Variants in STK3 observed in about 807,000 individuals in gnomAD.
STK3 encodes serine/threonine-protein kinase 3.
A neutral mutation model predicts 58.0 loss-of-function variants in STK3; 41 were observed. That is an observed-to-expected ratio of 0.71 (90% CI 0.55 to 0.92). The LOEUF is 0.92. STK3 is among the 40% of genes least tolerant of loss of function. The probability of loss-of-function intolerance (pLI) is 0.00; values close to 1 mark genes in which losing one functional copy is unlikely to be tolerated. For missense variants in STK3, 479 were observed against 602.7 expected, an observed-to-expected ratio of 0.79 and a Z score of 2.15; for synonymous variants, 170 against 191.0, an observed-to-expected ratio of 0.89 and a Z score of 0.91.
chr8:98,810,184 C>A (rs899768843), intron 1 of STK3, among the ~76,000 whole-genome samples: 1 of 152,184 alleles, frequency 6.6e-6, no homozygotes, highest in Non-Finnish European at 1.5e-5. Context: ...ATGATCCAAT[C>A]ACCTCCCACC....
chr8:98,525,739 T>C (rs1367384493), intron 10 of STK3, among the ~76,000 whole-genome samples: 3 of 152,076 alleles, frequency 2.0e-5, no homozygotes, highest in Non-Finnish European at 4.4e-5. Flanking sequence ...TTATTGGGGA[T>C]AGATTTTGAA....
chr8:98,840,581 A>ATG (rs1260866059), intron 3 of STK3, among the ~76,000 whole-genome samples: 17 of 76,490 alleles, frequency 2.2e-4, no homozygotes, highest in South Asian at 9.8e-4. Flanking sequence ...CAAGAAAAAA[A>ATG]TGTATATATA....
At chr8:98,633,470 C>T (rs1819404172) in intron 6 of STK3, 1 of 590,556 alleles carries the variant, frequency 1.7e-6, no homozygotes, top group Non-Finnish European at 3.1e-6. Flanking sequence ...TGGTACTGAT[C>T]CAGAAGAAGG....
At chr8:98,448,569 G>A (rs1340992293) in intron 1 of STK3, among the ~76,000 whole-genome samples, 1 of 152,140 alleles carries the variant, frequency 6.6e-6, no homozygotes, top group Non-Finnish European at 1.5e-5. Context: ...ATATTTAAAA[G>A]CTCAGTGCTT....
chr8:98,430,817 C>T (rs1336442517), intron 3 of STK3: 1 of 167,038 alleles, frequency 6.0e-6, no homozygotes, highest in Non-Finnish European at 1.5e-5. Flanking sequence ...AAATTGTAAA[C>T]TTGAAAAGCT....
At chr8:98,644,328 T>G (rs1002184673) in intron 6 of STK3, among the ~76,000 whole-genome samples, 6 of 152,170 alleles carry the variant, frequency 3.9e-5, no homozygotes, top group African/African-American at 1.4e-4. Context: ...TTAGCTCTCA[T>G]TTCAATAAAC....
At chr8:98,751,389 T>C (rs946032915) in intron 3 of STK3, among the ~76,000 whole-genome samples, 3 of 152,156 alleles carry the variant, frequency 2.0e-5, no homozygotes, top group Admixed American at 2.0e-4. Flanking sequence ...CTCAGGCTGA[T>C]AAGCAACTTC....
At chr8:98,733,512 G>A (rs902220307) in intron 4 of STK3, among the ~76,000 whole-genome samples, 3 of 152,210 alleles carry the variant, frequency 2.0e-5, no homozygotes, top group Admixed American at 6.5e-5. Flanking sequence ...ATCTGAAGTG[G>A]AACAGTTTCA....
At chr8:98,524,053 C>T (rs1294190202) in intron 10 of STK3, among the ~76,000 whole-genome samples, 1 of 152,062 alleles carries the variant, frequency 6.6e-6, no homozygotes, top group East Asian at 1.9e-4. Context: ...AAGACTCCAA[C>T]TTCATTCTTT....
At chr8:98,927,490 C>G (rs947723189) in intron 1 of STK3, among the ~76,000 whole-genome samples, 1 of 152,200 alleles carries the variant, frequency 6.6e-6, no homozygotes, top group African/African-American at 2.4e-5. Context: ...TCTCCTACTA[C>G]TAGTGTTTAT....
chr8:98,580,566 AG>A (rs1445130161), intron 7 of STK3, among the ~76,000 whole-genome samples: 3 of 152,240 alleles, frequency 2.0e-5, no homozygotes, highest in Non-Finnish European at 4.4e-5. Context: ...GTTACATGTC[AG>A]TAGATAGCAT....
At chr8:98,760,673 C>T (rs1342050730) in intron 3 of STK3, among the ~76,000 whole-genome samples, 2 of 151,954 alleles carry the variant, frequency 1.3e-5, no homozygotes, top group African/African-American at 4.8e-5. Context: ...CTATTTAACG[C>T]CTTCAATCCA....
intron 9 of STK3, among the ~76,000 whole-genome samples, chr8:98,527,637 A>G (rs1294295045): frequency 1.3e-5 from 2 of 152,002 alleles, no homozygotes; most frequent in African/African-American, 2.4e-5. Context: ...AAATATATAT[A>G]TATGAAATAC....
At chr8:98,919,409 C>A (rs758609423) in intron 1 of STK3, among the ~76,000 whole-genome samples, 43 of 152,008 alleles carry the variant, frequency 2.8e-4, no homozygotes, top group Non-Finnish European at 2.5e-4. Context: ...ATCAGAAAAA[C>A]CGCTGTCAGT....
intron 3 of STK3, among the ~76,000 whole-genome samples, chr8:98,832,753 GCTCT>G (rs1835586256): frequency 6.6e-6 from 1 of 152,014 alleles, no homozygotes; most frequent in African/African-American, 2.4e-5. Context: ...ATTTCTCACT[GCTCT>G]GCTGTGCACA....
intron 6 of STK3, among the ~76,000 whole-genome samples, chr8:98,688,745 AC>A (rs1345558209): frequency 6.6e-6 from 1 of 152,204 alleles, no homozygotes. Context: ...GACACAACAT[AC>A]CAAAACCTCT....
At chr8:98,461,545 C>T (rs981074372) in intron 10 of STK3, among the ~76,000 whole-genome samples, 1 of 152,140 alleles carries the variant, frequency 6.6e-6, no homozygotes, top group African/African-American at 2.4e-5. Context: ...TCTAGATACT[C>T]TGTTTTCTTC....
At chr8:98,715,809 A>G (rs1409002683) in intron 4 of STK3, among the ~76,000 whole-genome samples, 2 of 152,246 alleles carry the variant, frequency 1.3e-5, no homozygotes. Flanking sequence ...TATAAAACAT[A>G]CTGCTATAAA....
chr8:98,526,715 T>C (rs201398582), intron 10 of STK3, 27 bp downstream of exon 10: 5 of 1,498,286 alleles, frequency 3.3e-6, no homozygotes, highest in Non-Finnish European at 4.5e-6. Context: ...GGAGAAAACA[T>C]AAATTGAAGA....
Sources: allele counts gnomAD v4.1 joint callset (sites outside exome capture counted in the v4.1 genomes callset), GRCh38; gene constraint gnomAD v4.1.1; transcripts MANE v1.5; gene names NCBI Gene and HGNC (gene_info 2026-07-23, HGNC 2026-07-21).